The following ANLN variants were observed in gnomAD, a reference collection of about 807,000 sequenced individuals.
The protein encoded by ANLN is anillin, actin binding protein.
A neutral mutation model predicts 135.1 loss-of-function variants in ANLN; 59 were observed. The ratio of observed to expected loss-of-function variants is 0.44; its 90% CI spans 0.35 to 0.54. The LOEUF (loss-of-function observed/expected upper bound fraction) is 0.54, where lower values mean the gene tolerates loss of function less well. Among genes scored for constraint, ANLN ranks in the 20% least tolerant of loss-of-function variants. The pLI is 0.00. For synonymous variants in ANLN, 406 were observed against 456.4 expected (o/e 0.89, Z 1.41); for missense variants, 1,182 against 1,340.0 (o/e 0.88, Z 1.84).
At chr7:36,394,227 A>G (rs980826511) in intron 1 of ANLN, among the ~76,000 whole-genome samples, 1 of 152,194 alleles carries the variant, frequency 6.6e-6, no homozygotes, top group Non-Finnish European at 1.5e-5. Flanking sequence ...GTCTTCTGTC[A>G]GTCTTATGAT....
chr7:36,414,923 A>G lies in ANLN; in HGVS notation c.1396-835A>G, dbSNP rs138438309. ...CTCTCATCTGTAAAATGGAGATACT[A>G]GTACCTAACATAGAGGGTTATTGAG... On this transcript the variant is annotated intron_variant, in intron 7 of 23. Transcript: ENST00000265748. 5.4e-3 allele frequency among the ~76,000 whole-genome samples: 815 copies of G among 152,328 alleles called. 4 individuals are homozygous for G. Among genetic ancestry groups the G allele is most frequent in the Middle Eastern group, 0.014 (4 of 294 alleles).
chr7:36,417,509 A>G lies in ANLN; in HGVS notation c.1633+319A>G, dbSNP rs1391419443. Among the ~76,000 whole-genome samples, 5 of 152,020 alleles carry G rather than the reference A, an allele frequency of 3.3e-5. No individual in the cohort carries two copies. The East Asian group carries it at 7.7e-4, about 24-fold the overall frequency. ...CCTCTGTTTTCATACCACCACAACA[A>G]TCATCAACACAGAAGACTTTTGTGA... On this transcript the variant is annotated intron_variant, in intron 9 of 23. Coordinates refer to ENST00000265748, the MANE Select transcript of ANLN (RefSeq NM_018685.5).
At chr7:36,417,399 G>C (rs1436694476) in intron 9 of ANLN, among the ~76,000 whole-genome samples, 2 of 152,162 alleles carry the variant, frequency 1.3e-5, no homozygotes, top group African/African-American at 2.4e-5. Context: ...CACTGACTTT[G>C]ACAGGGATAG....
Position 36,406,178 on chromosome 7 carries a change from C to A in ANLN, c.488-3C>A. 1 of 1,581,710 alleles carries A rather than the reference C, an allele frequency of 6.3e-7. No individual in the cohort carries two copies. The highest frequency in any genetic ancestry group is 1.1e-5 in the South Asian group (1 of 89,220). On this transcript the variant is annotated splice_region_variant and splice_polypyrimidine_tract_variant and intron_variant, in intron 3 of 23. Coordinates refer to ENST00000265748, the MANE Select transcript of ANLN (RefSeq NM_018685.5). ...TTTAACTCTTTTCTGAAAACATTTT[C>A]AGATGACATTCCTGAAAGCTCACTC... is the stretch of plus-strand genomic sequence containing the variant.
Position 36,406,440 on chromosome 7 carries a change from T to C in ANLN, c.747T>C (p.Asn249=), listed in dbSNP as rs772798897. 101 of 1,613,378 alleles carry C rather than the reference T, an allele frequency of 6.3e-5. 1 individual carries two copies. The highest frequency in any genetic ancestry group is 8.4e-5 in the Non-Finnish European group (99 of 1,179,522). Residue 249 remains asparagine (N), a synonymous_variant, in exon 4 of 24, where the codon AAT becomes AAC. Coordinates refer to ENST00000265748, the MANE Select transcript of ANLN (RefSeq NM_018685.5). ...SSASGASARI[N]SSSVKQEATF... ...CAAGTGGAGCATCTGCTAGGATCAA[T>C]AGCAGCAGTGTTAAGCAGGAAGCTA...
intron 2 of ANLN, among the ~76,000 whole-genome samples, chr7:36,398,193 G>A (rs1562784548): frequency 1.3e-5 from 2 of 151,234 alleles, no homozygotes; most frequent in Non-Finnish European, 2.9e-5. Flanking sequence ...TAATTTTAGG[G>A]CTTTTTCAGT....
chr7:36,422,569 G>T (rs530494328), intron 13 of ANLN, 64 bp from the exon 14 acceptor site: 110 of 1,423,172 alleles, frequency 7.7e-5, no homozygotes, highest in Middle Eastern at 4.0e-4. Context: ...ACACTTTTTT[G>T]AATTTGCTCT....
intron 21 of ANLN, among the ~76,000 whole-genome samples, chr7:36,443,356 A>G (rs1186039166): frequency 6.6e-6 from 1 of 152,228 alleles, no homozygotes; most frequent in African/African-American, 2.4e-5. Flanking sequence ...ATATTAAGAT[A>G]GGTTTAACTT....
chr7:36,444,174 C>G (rs1788893581), intron 22 of ANLN, among the ~76,000 whole-genome samples: 1 of 151,998 alleles, frequency 6.6e-6, no homozygotes, highest in South Asian at 2.1e-4. Context: ...CCTGTAATCC[C>G]AGCTACTCAG....
chr7:36,392,475 T>C lies in ANLN; in HGVS notation c.18+2431T>C, dbSNP rs1464286694. Among the ~76,000 whole-genome samples the C allele has an allele frequency of 1.4e-5, 2 of 146,892 alleles. 1 individual carries two copies. The highest frequency in any genetic ancestry group is 5.4e-5 in the African/African-American group (2 of 37,114). ...GCTTCAGTTACCTGAGATTCATACA[T>C]GTGGGCTATCCTACTTCTTGAATAT... On this transcript the variant is annotated intron_variant, in intron 1 of 23. Coordinates refer to ENST00000265748, the MANE Select transcript of ANLN (RefSeq NM_018685.5).
intron 20 of ANLN, among the ~76,000 whole-genome samples, chr7:36,435,692 T>G (rs1164872009): frequency 6.6e-6 from 1 of 150,964 alleles, no homozygotes; most frequent in Admixed American, 6.6e-5. Flanking sequence ...GCTAACACGG[T>G]GAAACCCCGT....
intron 2 of ANLN, among the ~76,000 whole-genome samples, chr7:36,397,240 G>A (rs763769636): frequency 3.3e-5 from 5 of 152,074 alleles, no homozygotes; most frequent in South Asian, 2.1e-4. Context: ...GTTTTCATAC[G>A]TTTATCCATT....
At chr7:36,400,205 C>G (rs1786883651) in intron 3 of ANLN, among the ~76,000 whole-genome samples, 1 of 152,148 alleles carries the variant, frequency 6.6e-6, no homozygotes, top group Non-Finnish European at 1.5e-5. Context: ...AAAGCAGAAC[C>G]ATCTTTGGCA....
chr7:36,393,236 C>G (rs1339466689), intron 1 of ANLN, among the ~76,000 whole-genome samples: 3 of 152,106 alleles, frequency 2.0e-5, no homozygotes, highest in African/African-American at 4.8e-5. Context: ...GTTTGCCAAG[C>G]TGGTCTCAAA....
intron 22 of ANLN, among the ~76,000 whole-genome samples, chr7:36,444,819 A>AT (rs1209985382): frequency 6.6e-6 from 1 of 151,974 alleles, no homozygotes; most frequent in Non-Finnish European, 1.5e-5. Flanking sequence ...TTATAATCTG[A>AT]TTTTTTACTT....
At chr7:36,449,862 C>T (rs766659392) in intron 23 of ANLN, 25 bp downstream of exon 23, 2 of 1,603,184 alleles carry the variant, frequency 1.2e-6, no homozygotes, top group South Asian at 2.2e-5. Flanking sequence ...ATAAATATTT[C>T]TATCAACTAA....
At chr7:36,442,732 C>T (rs890546966) in intron 21 of ANLN, among the ~76,000 whole-genome samples, 4 of 151,910 alleles carry the variant, frequency 2.6e-5, no homozygotes, top group Non-Finnish European at 4.4e-5. Flanking sequence ...CCCGGGTTCA[C>T]GCCATTCTCC....
chr7:36,402,656 T>C (rs1043608161), intron 3 of ANLN, among the ~76,000 whole-genome samples: 12 of 152,168 alleles, frequency 7.9e-5, no homozygotes, highest in Non-Finnish European at 1.3e-4. Context: ...AACTCTTGCT[T>C]TTCTACTGCT....
At chr7:36,423,784 G>A in intron 14 of ANLN, 33 bp from the exon 15 acceptor site, 1 of 1,578,442 alleles carries the variant, frequency 6.3e-7, no homozygotes, top group African/African-American at 1.4e-5. Flanking sequence ...GATTTTGCTT[G>A]TGCTTACTAT....
Sources: gnomAD v4.1 joint callset for allele counts (sites outside exome capture counted in the v4.1 genomes callset) on GRCh38, gnomAD v4.1.1 for gene constraint, MANE v1.5 for transcripts, NCBI Gene and HGNC (gene_info 2026-07-23, HGNC 2026-07-21) for gene names.